CILP2: variants seen among roughly 807,000 people sequenced by gnomAD.
CILP2 encodes the protein CILP-2.
In CILP2, 38 loss-of-function variants were observed where a neutral mutation model predicts 45.6. The ratio of observed to expected loss-of-function variants is 0.83; its 90% confidence interval spans 0.64 to 1.09. The LOEUF is 1.09. Among genes scored for constraint, CILP2 ranks in the 50% least tolerant of loss-of-function variants. CILP2 has a pLI of 0.00. For missense variants in CILP2, 1,735 were observed against 1,662.2 expected (o/e 1.04, Z -0.76); for synonymous variants, 780 against 723.5 (o/e 1.08, Z -1.25).
intron 6 of CILP2, 78 bp downstream of exon 6, chr19:19,543,050 C>T (rs2061250238): frequency 9.0e-7 from 1 of 1,106,724 alleles, no homozygotes; most frequent in Admixed American, 2.0e-5. Flanking sequence ...TATGTGGTTT[C>T]CCATCTGGAG....
In CILP2 at chr19:19,538,294, T is replaced by G; in HGVS notation, c.-56T>G. On this transcript the variant is annotated 5_prime_UTR_variant, in exon 1 of 8. Transcript: ENST00000291495. ...CCAGCGGCCGCCAGACCCGCCGGAG[T>G]TGGACCCGAGCACGCCGCGGAGCCC... 1 of 1,506,978 alleles carries G rather than the reference T, an allele frequency of 6.6e-7. No homozygotes were observed. The highest frequency in any genetic ancestry group is 8.9e-7 in the Non-Finnish European group (1 of 1,123,422). The allele number at this position is 1,506,978 out of a possible 1,614,324, so 93.4% of individuals were successfully genotyped here.
In CILP2 at chr19:19,544,852, C is replaced by G; in HGVS notation, c.2307C>G (p.Pro769=). The G allele has an allele frequency of 6.3e-7, 1 of 1,597,416 alleles. No individual in the cohort carries two copies. The highest frequency in any genetic ancestry group is 2.2e-5 in the East Asian group (1 of 44,776). The change falls in exon 8 of 8, where the codon CCC becomes CCG. Residue 769 remains proline (P), a synonymous_variant. Coordinates refer to ENST00000291495, the MANE Select transcript of CILP2 (RefSeq NM_153221.2). ...CGCTGGTCAATCTGGAGCCCGCCCC[C>G]GGCTTCTCCGCCAACCCCCGTGCCT... ...VVTLVNLEPA[P]GFSANPRAWG...
At position 19,545,039 on chromosome 19, in the gene CILP2, G is replaced by A. The variant is rs766085654; in HGVS notation, c.2494G>A (p.Val832Met). The A allele has an allele frequency of 1.9e-6, 3 of 1,607,674 alleles. No homozygotes were observed. Among genetic ancestry groups the A allele is most frequent in the African/African-American group, 1.3e-5 (1 of 74,900 alleles). The part of the protein sequence containing the change: ...PSLPRPLPAT[V>M]GVTQPYLDRL... ...CTTGCCCCGCCCACTCCCGGCCACC[G>A]TGGGCGTCACCCAGCCCTACCTGGA... The change falls in exon 8 of 8, where the codon GTG becomes ATG. Residue 832 changes from valine to methionine, a missense_variant. Transcript: ENST00000291495.
chr19:19,544,244 A>G lies in CILP2; in HGVS notation c.1699A>G (p.Ser567Gly). Residue 567 changes from serine to glycine, a missense_variant, in exon 8 of 8, where the codon AGC (serine) becomes GGC (glycine). Transcript: ENST00000291495. ...KAPVILHTSQ[S>G]NTIPLGELED... The stretch of plus-strand genomic sequence containing the variant: ...CCCGGTCATTTTACATACCAGCCAG[A>G]GCAACACGATCCCCCTGGGCGAGCT... 1.3e-5 allele frequency: 21 copies of G among 1,613,840 alleles called. No individual in the cohort carries two copies. The highest frequency in any genetic ancestry group is 3.3e-4 in the Middle Eastern group (2 of 6,062).
At position 19,540,228 on chromosome 19, in the gene CILP2, T is replaced by A. The variant is rs1216818509; in HGVS notation, c.188T>A (p.Phe63Tyr). ...GAGGCCAGCGAGTGGACGTCCTGGT[T>A]CAACGTGGACCACCCCGGAGGCGAC... ...WEEASEWTSW[F>Y]NVDHPGGDGD... The change falls in exon 3 of 8, where the codon TTC (phenylalanine) becomes TAC (tyrosine). Residue 63 changes from phenylalanine (F) to tyrosine (Y), a missense_variant. Transcript: ENST00000291495. The A allele has an allele frequency of 2.1e-5, 34 of 1,598,254 alleles. No homozygotes were observed. The highest frequency in any genetic ancestry group is 2.9e-5 in the Non-Finnish European group (34 of 1,175,320).
chr19:19,539,976 G>A (rs2061237668), intron 2 of CILP2, among the ~76,000 whole-genome samples, 199 bp downstream of exon 2: 1 of 152,220 alleles, frequency 6.6e-6, no homozygotes. Flanking sequence ...AGAGGCAAGA[G>A]CTCAGCGCAC....
At position 19,540,239 on chromosome 19, in the gene CILP2, C is replaced by T. The variant is rs752661256; in HGVS notation, c.199C>T (p.His67Tyr). The T allele has an allele frequency of 5.0e-6, 8 of 1,601,254 alleles. No individual in the cohort carries two copies. In the East Asian group the frequency reaches 1.8e-4, roughly 36 times the overall value. ...GTGGACGTCCTGGTTCAACGTGGACCACCCCGGAGGCGACGGCGACTTCGA... is the reference window on the plus strand; with the variant it reads ...GTGGACGTCCTGGTTCAACGTGGACTACCCCGGAGGCGACGGCGACTTCGA... ...SEWTSWFNVD[H>Y]PGGDGDFESL... The change falls in exon 3 of 8, where the codon CAC becomes TAC. Residue 67 changes from histidine to tyrosine, a missense_variant. Transcript: ENST00000291495.
In CILP2 at chr19:19,545,123, C is replaced by T. The variant is rs764549556; in HGVS notation, c.2578C>T (p.Arg860Cys). Residue 860 changes from arginine (R) to cysteine (C), a missense_variant, in exon 8 of 8, where the codon CGC becomes TGC. Arg to Cys is a radical substitution (Grantham distance 180, BLOSUM62 -3). Coordinates refer to ENST00000291495, the MANE Select transcript of CILP2 (RefSeq NM_153221.2). The part of the protein sequence containing the change: ...DDPAFKRNGF[R>C]INLAKPRPGD... ...TCCCGCCTTCAAGCGTAACGGCTTC[C>T]GCATCAACCTCGCCAAGCCCAGGCC... The T allele has an allele frequency of 1.9e-6, 3 of 1,611,976 alleles. No homozygotes were observed. The highest frequency in any genetic ancestry group is 1.3e-5 in the African/African-American group (1 of 74,946).
chr19:19,540,349 G>A lies in CILP2; in HGVS notation c.309G>A (p.Trp103Ter), dbSNP rs1341439956. 1.3e-6 allele frequency: 2 copies of A among 1,556,232 alleles called. No individual in the cohort carries two copies. The highest frequency in any genetic ancestry group is 1.7e-6 in the Non-Finnish European group (2 of 1,155,878). Residue 103 changes from tryptophan to a stop codon, truncating the protein, a stop_gained, in exon 3 of 8, where the codon TGG becomes TGA. Transcript: ENST00000291495. LOFTEE classifies it high-confidence loss of function. ...PLALEARTTD[W>*]ALPSAVGERV... ...CGCTGGAAGCGCGCACCACGGACTG[G>A]GCCCTGCCGTCCGCCGTCGGCGAGC...
chr19:19,541,666 ATGCACTCAGGGTGCACACG>A (rs1382683422), intron 4 of CILP2, among the ~76,000 whole-genome samples: 1 of 152,190 alleles, frequency 6.6e-6, no homozygotes, highest in African/African-American at 2.4e-5. Context: ...AATTCAGTTC[ATGCACTCAGGGTGCACACG>A]TGCATGGCAT....
Position 19,544,457 on chromosome 19 carries a change from C to A in CILP2, c.1912C>A (p.Arg638Ser), listed in dbSNP as rs770728023. Reference protein sequence around the residue: ...VDSDGELAPLRTYGMFSVDLR... With the variant: ...VDSDGELAPLSTYGMFSVDLR... ...CAGCGACGGCGAGCTGGCTCCACTG[C>A]GCACCTACGGCATGTTCTCCGTGGA... The change falls in exon 8 of 8, where the codon CGC becomes AGC. Residue 638 changes from arginine to serine, a missense_variant. By Grantham distance (110) the Arg-to-Ser change is moderately radical (BLOSUM62 -1). Coordinates refer to ENST00000291495, the MANE Select transcript of CILP2 (RefSeq NM_153221.2). 5 of 1,609,016 alleles carry A rather than the reference C, an allele frequency of 3.1e-6. No homozygotes were observed. Among genetic ancestry groups the A allele is most frequent in the Non-Finnish European group, 4.2e-6 (5 of 1,179,638 alleles).
chr19:19,539,580 A>AAT, intron 1 of CILP2, 99 bp from the exon 2 acceptor site: 10 of 549,302 alleles, frequency 1.8e-5, no homozygotes, highest in East Asian at 3.4e-5. Context: ...AAAAAAAAAA[A>AAT]GGGGGGGGAT....
intron 7 of CILP2, 46 bp from the exon 8 acceptor site, chr19:19,543,635 G>A (rs1476677465): frequency 6.5e-7 from 1 of 1,538,390 alleles, no homozygotes; most frequent in Non-Finnish European, 8.8e-7. Flanking sequence ...TGGCCTCCAT[G>A]AAGTCCTCCT....
In CILP2 at chr19:19,544,954, C is replaced by G. The variant is rs749246532; in HGVS notation, c.2409C>G (p.Asp803Glu). The stretch of plus-strand genomic sequence containing the variant: ...CCTTCTGCGACGCCGACAGGCCAGA[C>G]GCCTACACCGCCCTGGTCACCGCCA... Reference protein sequence around the residue: ...LPAFCDADRPDAYTALVTATL... With the variant: ...LPAFCDADRPEAYTALVTATL... The change falls in exon 8 of 8, where the codon GAC becomes GAG. Residue 803 changes from aspartate to glutamate, a missense_variant. Transcript: ENST00000291495. The G allele has an allele frequency of 6.9e-6, 11 of 1,596,504 alleles. No homozygotes were observed. Among genetic ancestry groups the G allele is most frequent in the Non-Finnish European group, 9.3e-6 (11 of 1,178,140 alleles).
Position 19,539,772 on chromosome 19 carries a change from G to C in CILP2, c.158G>C (p.Trp53Ser), listed in dbSNP as rs369864555. ...CAGCCCTCACCAGCCCTGGAGGACT[G>C]GGAAGGTGAGTTAGCCTGCCTCGGA... is the stretch of plus-strand genomic sequence containing the variant. Reference protein sequence around the residue: ...TGQPSPALEDWEEASEWTSWF... With the variant: ...TGQPSPALEDSEEASEWTSWF... The change falls in exon 2 of 8, where the codon TGG becomes TCG. Residue 53 changes from tryptophan to serine, a missense_variant. Physicochemically the swap from Trp to Ser is radical, Grantham distance 177. Coordinates refer to ENST00000291495, the MANE Select transcript of CILP2 (RefSeq NM_153221.2). 32 of 1,587,154 alleles carry C rather than the reference G, an allele frequency of 2.0e-5. No individual in the cohort carries two copies. In the African/African-American group the frequency reaches 2.5e-4, roughly 12 times the overall value.
chr19:19,543,077 A>T (rs1262048077), intron 6 of CILP2, 105 bp downstream of exon 6: 2 of 990,442 alleles, frequency 2.0e-6, no homozygotes, highest in African/African-American at 3.2e-5. Flanking sequence ...GAAAGCGTTA[A>T]CGGGGAATGA....
At position 19,540,338 on chromosome 19, in the gene CILP2, A is replaced by G. The variant is rs778393507; in HGVS notation, c.298A>G (p.Thr100Ala). 4.5e-6 allele frequency: 7 copies of G among 1,567,714 alleles called. No individual in the cohort carries two copies. The highest frequency in any genetic ancestry group is 4.3e-6 in the Non-Finnish European group (5 of 1,162,156). Residue 100 changes from threonine (T) to alanine (A), a missense_variant, in exon 3 of 8, where the codon ACC (threonine) becomes GCC (alanine). Coordinates refer to ENST00000291495, the MANE Select transcript of CILP2 (RefSeq NM_153221.2). ...CPRPLALEAR[T>A]TDWALPSAVG... Reference sequence around the variant, plus strand: ...GCGACCGCTGGCGCTGGAAGCGCGCACCACGGACTGGGCCCTGCCGTCCGC... The same window carrying G: ...GCGACCGCTGGCGCTGGAAGCGCGCGCCACGGACTGGGCCCTGCCGTCCGC...
chr19:19,540,641 G>T lies in CILP2; in HGVS notation c.436+165G>T. 4.8e-6 allele frequency: 4 copies of T among 828,524 alleles called. No homozygotes were observed. In the South Asian group the frequency reaches 7.5e-5, roughly 15 times the overall value. 51.3% of individuals were successfully genotyped at this position (828,524 alleles called of 1,614,324 possible). ...TAGGCGTAGGACGACGTCAGGGGGC[G>T]GGGCCAGGCAGGGCGGGGCTTTTGA... On this transcript the variant is annotated intron_variant, in intron 3 of 7. Transcript: ENST00000291495.
Position 19,546,294 on chromosome 19 carries a change from C to G in CILP2, c.*278C>G. Reference sequence around the variant, plus strand: ...ACCCTAGCCTGAAGGGACCCGCTCCCAGCTCAGAAGCCGTCTCTGACTTCT... The same window carrying G: ...ACCCTAGCCTGAAGGGACCCGCTCCGAGCTCAGAAGCCGTCTCTGACTTCT... On this transcript the variant is annotated 3_prime_UTR_variant, in exon 8 of 8. Transcript: ENST00000291495. 3.1e-6 allele frequency: 1 copy of G among 323,644 alleles called. No individual in the cohort carries two copies. The highest frequency in any genetic ancestry group is 5.6e-6 in the Non-Finnish European group (1 of 177,520). The allele number at this position is 323,644 out of a possible 1,614,324, so 20.0% of individuals were successfully genotyped here.
Sources: gnomAD v4.1 joint callset for allele counts (sites outside exome capture counted in the v4.1 genomes callset) on GRCh38, gnomAD v4.1.1 for gene constraint, MANE v1.5 for transcripts, NCBI Gene and HGNC (gene_info 2026-07-23, HGNC 2026-07-21) for gene names.